The following A2ML1 variants were observed in gnomAD, a reference collection of about 807,000 sequenced individuals.
A2ML1 encodes the protein alpha-2-macroglobulin-like protein 1.
In A2ML1, 161 loss-of-function variants were observed where a neutral mutation model predicts 181.9. That is an observed-to-expected ratio of 0.89 (90% CI 0.78 to 1.01). The LOEUF (loss-of-function observed/expected upper bound fraction) is 1.01. A2ML1 is among the 50% of genes least tolerant of loss of function. The pLI is 0.00. For missense variants in A2ML1, 1,670 were observed against 1,768.1 expected, an observed-to-expected ratio of 0.94 and a Z score of 1.00; for synonymous variants, 663 against 666.8, an observed-to-expected ratio of 0.99 and a Z score of 0.09.
chr12:8,878,061 G>A (rs1184341656), downstream of A2ML1, among the ~76,000 whole-genome samples: 1 of 152,144 alleles, frequency 6.6e-6, no homozygotes, highest in Non-Finnish European at 1.5e-5. The surrounding 1 kb of genome is among the most constrained non-coding windows in gnomAD (Gnocchi z 4.4). Context: ...CCAGCACTTT[G>A]GGAGGCCGAG....
chr12:8,823,344 C>T lies in A2ML1; in HGVS notation c.225C>T (p.His75=), dbSNP rs557136055. Residue 75 remains histidine, a synonymous_variant, in exon 2 of 36, where the codon CAC becomes CAT. Coordinates refer to ENST00000299698, the MANE Select transcript of A2ML1 (RefSeq NM_144670.6). ...AATACTCTGGACTGAAGAAGAGGCA[C>T]TTACATTGTATCTCCTTTCTTGTAA... ...LLEYSGLKKR[H]LHCISFLVPP... is the part of the protein sequence containing the mutation. 3.1e-6 allele frequency: 5 copies of T among 1,613,878 alleles called. No individual in the cohort carries two copies. The highest frequency in any genetic ancestry group is 1.1e-5 in the South Asian group (1 of 91,008).
intron 28 of A2ML1, among the ~76,000 whole-genome samples, chr12:8,863,358 G>A (rs1035304954): frequency 1.3e-5 from 2 of 152,186 alleles, no homozygotes; most frequent in Admixed American, 6.6e-5. Context: ...CACCCGCCTC[G>A]GCCTCCCAAA....
At chr12:8,869,995 C>G (rs986549906) in intron 33 of A2ML1, among the ~76,000 whole-genome samples, 1 of 152,034 alleles carries the variant, frequency 6.6e-6, no homozygotes, top group East Asian at 1.9e-4. Flanking sequence ...TGTATGTAAC[C>G]TTTCATTTTA....
intron 13 of A2ML1, 114 bp downstream of exon 13, chr12:8,845,616 G>C: frequency 1.0e-6 from 1 of 974,664 alleles, no homozygotes; most frequent in Non-Finnish European, 1.6e-6. Context: ...GGGAGGCCGA[G>C]GTGGGCGGAT....
At chr12:8,866,736 T>C (rs965650356) in intron 29 of A2ML1, among the ~76,000 whole-genome samples, 2 of 152,234 alleles carry the variant, frequency 1.3e-5, no homozygotes, top group African/African-American at 4.8e-5. Context: ...ATAGAACTTC[T>C]TCACAGCTTC....
intron 1 of A2ML1, 37 bp from the exon 2 acceptor site, chr12:8,823,145 T>C: frequency 6.3e-7 from 1 of 1,595,522 alleles, no homozygotes; most frequent in Non-Finnish European, 8.6e-7. Context: ...AGTGAATGAA[T>C]CATTATTGCC....
At chr12:8,835,771 T>C in intron 6 of A2ML1, 105 bp downstream of exon 6, 1 of 1,471,206 alleles carries the variant, frequency 6.8e-7, no homozygotes, top group Non-Finnish European at 9.2e-7. Flanking sequence ...CCCAGGACTT[T>C]GGGAGGCCGA....
intron 26 of A2ML1, among the ~76,000 whole-genome samples, chr12:8,859,633 C>T (rs1427557096): frequency 2.0e-5 from 3 of 151,924 alleles, no homozygotes; most frequent in African/African-American, 7.3e-5. Context: ...AGTGTAGTTG[C>T]GCAATCCCAG....
chr12:8,885,715 C>T (rs963163121), intron 7 of A2ML1, among the ~76,000 whole-genome samples: 15 of 152,284 alleles, frequency 9.9e-5, no homozygotes, highest in Admixed American at 5.2e-4. Context: ...CTGCCTGCCT[C>T]GGCCTCCCAA....
chr12:8,826,335 T>G (rs1942927274), intron 3 of A2ML1, among the ~76,000 whole-genome samples: 1 of 152,212 alleles, frequency 6.6e-6, no homozygotes, highest in African/African-American at 2.4e-5. Flanking sequence ...TTTCACTTCT[T>G]TGGTAAAGTT....
At chr12:8,853,172 G>A (rs778424984) in intron 20 of A2ML1, among the ~76,000 whole-genome samples, 1 of 151,844 alleles carries the variant, frequency 6.6e-6, no homozygotes, top group East Asian at 2.0e-4. Context: ...TAATTCAGTT[G>A]GCAGAGAAGC....
At chr12:8,824,218 TG>T (rs1246941381) in intron 3 of A2ML1, among the ~76,000 whole-genome samples, 7 of 132,436 alleles carry the variant, frequency 5.3e-5, no homozygotes, top group East Asian at 2.2e-4. Flanking sequence ...CTTGAGCTAC[TG>T]GGGTTTTTTT....
chr12:8,851,975 C>T lies in A2ML1; in HGVS notation c.2426C>T (p.Thr809Ile). 1 of 1,614,194 alleles carries T rather than the reference C, an allele frequency of 6.2e-7. No individual in the cohort carries two copies. Among genetic ancestry groups the T allele is most frequent in the Non-Finnish European group, 8.5e-7 (1 of 1,180,028 alleles). Reference protein sequence around the residue: ...SVVRGESFRLTATIFNYLKDC... With the variant: ...SVVRGESFRLIATIFNYLKDC... Reference sequence around the variant, plus strand: ...GTCCGTGGGGAATCCTTTCGTCTTACTGCCACCATCTTCAATTACCTAAAG... The same window carrying T: ...GTCCGTGGGGAATCCTTTCGTCTTATTGCCACCATCTTCAATTACCTAAAG... The change falls in exon 19 of 36, where the codon ACT becomes ATT. Residue 809 changes from threonine to isoleucine, a missense_variant. Thr to Ile is a moderately conservative substitution (Grantham distance 89). Transcript: ENST00000299698.
At chr12:8,828,463 G>A (rs1478650760) in intron 3 of A2ML1, among the ~76,000 whole-genome samples, 1 of 152,094 alleles carries the variant, frequency 6.6e-6, no homozygotes, top group African/African-American at 2.4e-5. Flanking sequence ...AGCTTGTGGT[G>A]AATGGTGCCT....
chr12:8,882,202 G>C (rs1399178976), intron 7 of A2ML1, among the ~76,000 whole-genome samples: 1 of 151,996 alleles, frequency 6.6e-6, no homozygotes, highest in Admixed American at 6.6e-5. Context: ...ATGAGAAGAG[G>C]AGAGACTGAA....
At chr12:8,824,221 G>GTT (rs1565458978) in intron 3 of A2ML1, among the ~76,000 whole-genome samples, 1 of 136,366 alleles carries the variant, frequency 7.3e-6, no homozygotes, top group African/African-American at 2.9e-5. Flanking sequence ...GAGCTACTGG[G>GTT]GTTTTTTTTT....
chr12:8,877,356 A>G (rs1033493707), downstream of A2ML1, among the ~76,000 whole-genome samples: 33 of 152,224 alleles, frequency 2.2e-4, no homozygotes, highest in African/African-American at 5.8e-4. Context: ...CTTAAACTAA[A>G]GAGCTTCTGC....
At chr12:8,858,200 T>A (rs1944138450) in intron 26 of A2ML1, 98 bp downstream of exon 26, 3 of 1,413,080 alleles carry the variant, frequency 2.1e-6, no homozygotes, top group Non-Finnish European at 2.8e-6. Flanking sequence ...TGGGAATCAG[T>A]TTTCTCCTGA....
intron 33 of A2ML1, among the ~76,000 whole-genome samples, chr12:8,872,363 G>C (rs1241738308): frequency 6.6e-6 from 1 of 151,926 alleles, no homozygotes; most frequent in Non-Finnish European, 1.5e-5. Flanking sequence ...GGTGAAGTGG[G>C]TTTTAACTAT....
Sources: allele counts gnomAD v4.1 joint callset (sites outside exome capture counted in the v4.1 genomes callset), GRCh38; gene constraint gnomAD v4.1.1; non-coding constraint Gnocchi (gnomAD v3.1); transcripts MANE v1.5; gene names NCBI Gene and HGNC (gene_info 2026-07-23, HGNC 2026-07-21).